The following HCK variants were observed in gnomAD, a reference collection of about 807,000 sequenced individuals.
HCK encodes the protein tyrosine-protein kinase HCK.
In HCK, 40 loss-of-function variants were observed where a neutral mutation model predicts 70.4. The ratio of observed to expected loss-of-function variants is 0.57; its 90% CI spans 0.44 to 0.74. The LOEUF is 0.74. Among genes scored for constraint, HCK ranks in the 30% least tolerant of loss-of-function variants. The pLI, the probability that HCK is intolerant of heterozygous loss-of-function variation, is 0.00. For synonymous variants in HCK, 245 were observed against 263.2 expected (o/e 0.93, Z 0.67); for missense variants, 568 against 697.2 (o/e 0.81, Z 2.09).
intron 1 of HCK, among the ~76,000 whole-genome samples, chr20:32,067,245 T>C (rs2045471408): frequency 6.6e-6 from 1 of 152,144 alleles, no homozygotes; most frequent in Admixed American, 6.6e-5. Context: ...GCATAACAAA[T>C]TTTCCATCCT....
chr20:32,086,928 C>A, intron 9 of HCK, 121 bp downstream of exon 9: 2 of 825,580 alleles, frequency 2.4e-6, no homozygotes, highest in Non-Finnish European at 3.7e-6. Flanking sequence ...GGAGCTCTTC[C>A]AACAAGTACT....
chr20:32,061,924 G>A (rs1380354320), intron 1 of HCK, among the ~76,000 whole-genome samples: 1 of 150,094 alleles, frequency 6.7e-6, no homozygotes, highest in Non-Finnish European at 1.5e-5. Flanking sequence ...GAAGGAATGC[G>A]ATCTGACTTA....
chr20:32,070,951 G>A (rs1192396862), intron 1 of HCK, among the ~76,000 whole-genome samples: 4 of 123,170 alleles, frequency 3.2e-5, no homozygotes, highest in Non-Finnish European at 6.7e-5. Context: ...AGGAGGAGGG[G>A]GAAGGAAGAG....
chr20:32,055,744 T>C (rs2045260800), intron 1 of HCK, among the ~76,000 whole-genome samples: 1 of 152,230 alleles, frequency 6.6e-6, no homozygotes, highest in African/African-American at 2.4e-5. Flanking sequence ...ATATTCACAA[T>C]GTTGTACAAA....
intron 12 of HCK, among the ~76,000 whole-genome samples, chr20:32,100,289 T>C (rs1431846428): frequency 6.6e-6 from 1 of 152,086 alleles, no homozygotes; most frequent in Non-Finnish European, 1.5e-5. Flanking sequence ...GCTTTCAGCA[T>C]GGAGAGTGAA....
intron 2 of HCK, 84 bp downstream of exon 2, chr20:32,071,866 T>C: frequency 6.5e-7 from 1 of 1,527,304 alleles, no homozygotes; most frequent in African/African-American, 1.4e-5. Flanking sequence ...CTTCCCAAGG[T>C]TGGGCAGGGT....
At chr20:32,063,635 G>C (rs547185914) in intron 1 of HCK, among the ~76,000 whole-genome samples, 1 of 152,010 alleles carries the variant, frequency 6.6e-6, no homozygotes, top group Non-Finnish European at 1.5e-5. Flanking sequence ...TACTCTAATA[G>C]GTCTAGTACC....
chr20:32,101,370 C>T lies in HCK; in HGVS notation c.1432C>T (p.Arg478Cys), dbSNP rs774699694. Residue 478 changes from arginine (R) to cysteine (C), a missense_variant, in exon 13 of 13, where the codon CGC becomes TGC. By Grantham distance (180) the Arg-to-Cys change is radical. Coordinates refer to ENST00000375852, the MANE Select transcript of HCK (RefSeq NM_002110.5). Reference sequence around the variant, plus strand: ...TCTGGAGCGTGGATACCGGATGCCTCGCCCAGAGAACTGCCCAGAGGAGCT... The same window carrying T: ...TCTGGAGCGTGGATACCGGATGCCTTGCCCAGAGAACTGCCCAGAGGAGCT... The T allele has an allele frequency of 2.8e-5, 46 of 1,614,072 alleles. 1 individual carries two copies. Among genetic ancestry groups the T allele is most frequent in the Admixed American group, 1.3e-4 (8 of 60,006 alleles).
intron 6 of HCK, among the ~76,000 whole-genome samples, chr20:32,080,779 C>A (rs1293390679): frequency 1.3e-5 from 2 of 152,070 alleles, no homozygotes; most frequent in African/African-American, 4.8e-5. Context: ...TCCAAAGTGT[C>A]AGGACTACAA....
chr20:32,100,905 A>G (rs942347243), intron 12 of HCK, among the ~76,000 whole-genome samples: 3 of 152,192 alleles, frequency 2.0e-5, no homozygotes, highest in Non-Finnish European at 2.9e-5. Context: ...CCAATCTTCC[A>G]TTGGTGACTG....
intron 5 of HCK, among the ~76,000 whole-genome samples, chr20:32,075,600 C>A (rs1482395878): frequency 6.6e-6 from 1 of 152,178 alleles, no homozygotes. Context: ...TATATCCCTA[C>A]CCTCAAGGAG....
chr20:32,059,543 T>G (rs1305327842), intron 1 of HCK, among the ~76,000 whole-genome samples: 1 of 150,688 alleles, frequency 6.6e-6, no homozygotes, highest in Non-Finnish European at 1.5e-5. Context: ...TGAGACAGGG[T>G]CTCGCTCTGT....
chr20:32,065,265 A>G (rs1232283096), intron 1 of HCK, among the ~76,000 whole-genome samples: 1 of 152,222 alleles, frequency 6.6e-6, no homozygotes, highest in Non-Finnish European at 1.5e-5. Context: ...TGTTAGAACT[A>G]CAGATTCCAG....
chr20:32,074,166 G>A (rs567254923), intron 4 of HCK, among the ~76,000 whole-genome samples: 3 of 152,162 alleles, frequency 2.0e-5, no homozygotes, highest in South Asian at 4.2e-4. Context: ...TTGCCACCTC[G>A]GATCTCCTAC....
intron 5 of HCK, among the ~76,000 whole-genome samples, chr20:32,076,547 G>A (rs1376608031): frequency 1.3e-5 from 2 of 152,164 alleles, no homozygotes; most frequent in African/African-American, 4.8e-5. Context: ...CAACATAATT[G>A]CTAAGTGGAA....
intron 11 of HCK, among the ~76,000 whole-genome samples, chr20:32,097,308 G>A (rs1020323293): frequency 1.3e-5 from 2 of 151,746 alleles, no homozygotes; most frequent in Non-Finnish European, 2.9e-5. Flanking sequence ...GGCCGGGCAC[G>A]TTGGCTCATG....
intron 1 of HCK, among the ~76,000 whole-genome samples, chr20:32,057,313 A>T (rs1318398432): frequency 6.6e-6 from 1 of 152,214 alleles, no homozygotes; most frequent in African/African-American, 2.4e-5. Flanking sequence ...GAAAAGGAAC[A>T]TGAAGGGCTG....
At chr20:32,087,645 A>T (rs1017166327) in intron 9 of HCK, among the ~76,000 whole-genome samples, 7 of 144,442 alleles carry the variant, frequency 4.8e-5, no homozygotes, top group South Asian at 4.4e-4. Context: ...TTCTAAAAAA[A>T]TTTTTTTTTT....
At chr20:32,072,563 T>TAAAAAAAAAAAAAAAAAAA (rs199684278) in intron 2 of HCK, 1 of 63,216 alleles carries the variant, frequency 1.6e-5, no homozygotes, top group Admixed American at 2.2e-4. Flanking sequence ...CCTGTCTCTT[T>TAAAAAAAAAAAAAAAAAAA]AAAAAAAAAA....
Sources: gnomAD v4.1 joint callset for allele counts (sites outside exome capture counted in the v4.1 genomes callset) on GRCh38, gnomAD v4.1.1 for gene constraint, MANE v1.5 for transcripts, NCBI Gene and HGNC (gene_info 2026-07-23, HGNC 2026-07-21) for gene names.